The following SSH1 variants were observed in gnomAD, a reference collection of about 807,000 sequenced individuals.
SSH1 encodes the protein slingshot protein phosphatase 1.
In SSH1, 43 loss-of-function variants were observed where a neutral mutation model predicts 79.7. The ratio of observed to expected loss-of-function variants is 0.54; its 90% CI spans 0.42 to 0.70. The LOEUF (loss-of-function observed/expected upper bound fraction) is 0.70, where lower values mean the gene tolerates loss of function less well. Ranked by LOEUF, SSH1 falls within the 30% of genes least tolerant of loss-of-function variation. The pLI is 0.00. For synonymous variants in SSH1, 599 were observed against 538.3 expected, an observed-to-expected ratio of 1.11 and a Z score of -1.56; for missense variants, 1,206 against 1,358.8, an observed-to-expected ratio of 0.89 and a Z score of 1.77.
chr12:108,800,931 A>T lies in SSH1; in HGVS notation c.1002-5T>A, dbSNP rs1302731474. 3.1e-6 allele frequency: 5 copies of T among 1,612,720 alleles called. No individual in the cohort carries two copies. Among genetic ancestry groups the T allele is most frequent in the South Asian group, 1.1e-5 (1 of 90,882 alleles). On this transcript the variant is annotated splice_polypyrimidine_tract_variant and splice_region_variant and intron_variant, in intron 11 of 14. Coordinates refer to ENST00000326495, the MANE Select transcript of SSH1 (RefSeq NM_018984.4). ...ACATTTAAAATGTAATCAACCCTGC[A>T]ATGAGAAAAAAATAAGAAACAAATT...
At chr12:108,806,217 G>T in intron 9 of SSH1, 84 bp downstream of exon 9, 1 of 1,296,032 alleles carries the variant, frequency 7.7e-7, no homozygotes, top group Non-Finnish European at 1.1e-6. Flanking sequence ...CAGATGTTGG[G>T]CCTGCTTTTG....
chr12:108,819,720 T>C (rs977074973), intron 3 of SSH1, among the ~76,000 whole-genome samples: 1 of 152,096 alleles, frequency 6.6e-6, no homozygotes, highest in African/African-American at 2.4e-5. Context: ...TCCCAGCTAC[T>C]TGGGAGGCCA....
intron 5 of SSH1, among the ~76,000 whole-genome samples, chr12:108,813,460 T>C (rs2037722491): frequency 6.6e-6 from 1 of 151,564 alleles, no homozygotes; most frequent in Non-Finnish European, 1.5e-5. Flanking sequence ...ATACCTGTAA[T>C]CCCAGCACTT....
intron 2 of SSH1, among the ~76,000 whole-genome samples, chr12:108,830,756 G>A (rs1052596306): frequency 1.2e-4 from 19 of 152,080 alleles, no homozygotes; most frequent in African/African-American, 3.6e-4. Context: ...CTCTAAGGGA[G>A]ACGCTGCATC....
rs536070128 is a variant in SSH1, at chr12:108,787,295, A to G, written c.*693T>C. 6.6e-6 allele frequency: 1 copy of G among 152,632 alleles called. No homozygotes were observed. The highest frequency in any genetic ancestry group is 2.4e-5 in the African/African-American group (1 of 41,536). 9.5% of individuals were successfully genotyped at this position (152,632 alleles called of 1,614,324 possible). On this transcript the variant is annotated 3_prime_UTR_variant, in exon 15 of 15. Coordinates refer to ENST00000326495, the MANE Select transcript of SSH1 (RefSeq NM_018984.4). ...CCCTGTGCTGGTCAAACACGTAACA[A>G]CACAACCAGGACAGGGCGCCTGCAC...
chr12:108,792,595 G>C lies in SSH1; in HGVS notation c.1584C>G (p.Ser528Arg), dbSNP rs1167497322. The change falls in exon 14 of 15, where the codon AGC becomes AGG. Residue 528 changes from serine to arginine, a missense_variant. Transcript: ENST00000326495. ...TCTCCGGATCCTCCAGGTGGACCAA[G>C]CTGCCAGTTTCATCCTCAGGGGAAG... Reference protein sequence around the residue: ...LLPSPEDETGSLVHLEDPERE... With the variant: ...LLPSPEDETGRLVHLEDPERE... 1 of 1,612,676 alleles carries C rather than the reference G, an allele frequency of 6.2e-7. No individual in the cohort carries two copies. The highest frequency in any genetic ancestry group is 8.5e-7 in the Non-Finnish European group (1 of 1,179,110).
intron 14 of SSH1, chr12:108,791,852 A>G (rs1003007642): frequency 2.0e-6 from 2 of 1,010,328 alleles, no homozygotes; most frequent in Admixed American, 8.0e-5. Flanking sequence ...TTCCAGGATC[A>G]TCAGGGGTGT....
chr12:108,847,016 C>T (rs1389512275), intron 2 of SSH1, among the ~76,000 whole-genome samples: 2 of 152,158 alleles, frequency 1.3e-5, no homozygotes, highest in Non-Finnish European at 1.5e-5. Flanking sequence ...CCTACCTCAA[C>T]CTCTTGAGTA....
Position 108,788,006 on chromosome 12 carries a change from C to T in SSH1, c.3132G>A (p.Ser1044=), listed in dbSNP as rs61739299. Residue 1044 remains serine, a synonymous_variant, in exon 15 of 15, where the codon TCG becomes TCA. Transcript: ENST00000326495. ...AGGCGGGTCAGCTTTTGCTCATCCA[C>T]GAAGGGCTCTTTAAGTTTTCTGGGG... The part of the protein sequence containing the change: ...KPAPENLKSP[S]WMSKS 14 of 1,614,094 alleles carry T rather than the reference C, an allele frequency of 8.7e-6. No homozygotes were observed. The highest frequency in any genetic ancestry group is 3.3e-5 in the Admixed American group (2 of 60,026).
chr12:108,808,262 C>T (rs772284841), intron 7 of SSH1, among the ~76,000 whole-genome samples: 1 of 152,156 alleles, frequency 6.6e-6, no homozygotes, highest in African/African-American at 2.4e-5. Context: ...GTAAAGGGCT[C>T]ACTCTTGGAG....
chr12:108,807,964 C>A lies in SSH1; in HGVS notation c.537-137G>T. 1.3e-6 allele frequency: 1 copy of A among 792,664 alleles called. No homozygotes were observed. The highest frequency in any genetic ancestry group is 1.6e-5 in the South Asian group (1 of 63,158). 49.1% of individuals were successfully genotyped at this position (792,664 alleles called of 1,614,324 possible). A position where few individuals can be genotyped will look rare whatever the true frequency, so the allele number is the denominator to read the frequency against. ...TGATTATTTCTTTTTGGGACAGAGTCTCGCTCTGTCACTCCCAGGCTAGAG... is the reference window on the plus strand; with the variant it reads ...TGATTATTTCTTTTTGGGACAGAGTATCGCTCTGTCACTCCCAGGCTAGAG... On this transcript the variant is annotated intron_variant, in intron 7 of 14. Transcript: ENST00000326495. This position sits in a 1 kb window ranked among gnomAD's most constrained non-coding sequence, Gnocchi z 5.2.
At chr12:108,823,389 T>A (rs2038198980) in intron 2 of SSH1, 28 bp from the exon 3 acceptor site, 3 of 1,535,942 alleles carry the variant, frequency 2.0e-6, no homozygotes, top group African/African-American at 2.7e-5. Flanking sequence ...AGAGCACAGT[T>A]AGACCGGAAT....
chr12:108,835,889 A>AGTTATAAT lies in SSH1; in HGVS notation c.111-12529_111-12528insATTATAAC, dbSNP rs1566012787. Among the ~76,000 whole-genome samples, 30 of 69,122 alleles carry AGTTATAAT rather than the reference A, an allele frequency of 4.3e-4. 2 individuals are homozygous for AGTTATAAT. Among genetic ancestry groups the AGTTATAAT allele is most frequent in the African/African-American group, 1.7e-3 (30 of 17,344 alleles). The allele number at this position is 69,122 out of a possible 152,430, so 45.3% of individuals were successfully genotyped here. ...TATATACATATTATATTAATTAATT[A>AGTTATAAT]TAACTATATTAATATAATTAATTAT... On this transcript the variant is annotated intron_variant, in intron 2 of 14. Coordinates refer to ENST00000326495, the MANE Select transcript of SSH1 (RefSeq NM_018984.4).
chr12:108,831,517 T>C (rs2137226137), intron 2 of SSH1, among the ~76,000 whole-genome samples: 1 of 152,258 alleles, frequency 6.6e-6, no homozygotes, highest in South Asian at 2.1e-4. Flanking sequence ...GGAGTGACAC[T>C]GGAGGGCCAG....
chr12:108,818,612 A>G (rs1286667335), intron 3 of SSH1, among the ~76,000 whole-genome samples: 1 of 152,256 alleles, frequency 6.6e-6, no homozygotes, highest in East Asian at 1.9e-4. Flanking sequence ...AATACAGGCA[A>G]GCCTAGAGAA....
intron 1 of SSH1, among the ~76,000 whole-genome samples, chr12:108,855,925 C>G (rs1306902655): frequency 6.6e-6 from 1 of 152,220 alleles, no homozygotes; most frequent in East Asian, 1.9e-4. Context: ...CTGCCAATCC[C>G]AGCAAAACAA....
At position 108,780,793 on chromosome 12, in the gene SSH1, C is replaced by T. The variant is rs540683408; in HGVS notation, c.*7195G>A. The T allele has an allele frequency of 2.2e-4, 33 of 152,346 alleles. No individual in the cohort carries two copies. Among genetic ancestry groups the T allele is most frequent in the African/African-American group, 7.5e-4 (31 of 41,558 alleles). 9.4% of individuals were successfully genotyped at this position (152,346 alleles called of 1,614,324 possible). On this transcript the variant is annotated 3_prime_UTR_variant, in exon 15 of 15. Coordinates refer to ENST00000326495, the MANE Select transcript of SSH1 (RefSeq NM_018984.4). ...GTGGCTCATGCCTATAATCCCAGCA[C>T]TTTGGGAGGCCAAGGCGGGTGGATT...
intron 5 of SSH1, among the ~76,000 whole-genome samples, chr12:108,811,867 A>C (rs1384804678): frequency 1.3e-5 from 2 of 152,230 alleles, no homozygotes; most frequent in Non-Finnish European, 2.9e-5. Flanking sequence ...AGAGGGAAAG[A>C]AAGGGCTTAT....
chr12:108,796,067 C>T (rs1223918148), intron 13 of SSH1, among the ~76,000 whole-genome samples: 1 of 152,080 alleles, frequency 6.6e-6, no homozygotes, highest in African/African-American at 2.4e-5. Context: ...AGGTGCACGC[C>T]ACCACACCCA....
Sources: gnomAD v4.1 joint callset for allele counts (sites outside exome capture counted in the v4.1 genomes callset) on GRCh38, gnomAD v4.1.1 for gene constraint, Gnocchi (gnomAD v3.1) non-coding constraint, MANE v1.5 for transcripts, NCBI Gene and HGNC (gene_info 2026-07-23, HGNC 2026-07-21) for gene names.